The following AIMP1 variants were observed in gnomAD, a reference collection of about 807,000 sequenced individuals.
AIMP1 encodes the protein aminoacyl tRNA synthase complex-interacting multifunctional protein 1.
A neutral mutation model predicts 33.1 loss-of-function variants in AIMP1; 24 were observed. That is an observed-to-expected ratio of 0.73 (90% CI 0.53 to 1.02). The LOEUF (loss-of-function observed/expected upper bound fraction) is 1.02. Ranked by LOEUF, AIMP1 falls within the 50% of genes least tolerant of loss-of-function variation. The pLI is 0.00. For synonymous variants in AIMP1, 120 were observed against 121.5 expected (o/e 0.99, Z 0.08); for missense variants, 367 against 364.8 (o/e 1.01, Z -0.05).
intron 6 of AIMP1, among the ~76,000 whole-genome samples, chr4:106,346,841 C>T (rs1346273812): frequency 6.6e-6 from 1 of 152,076 alleles, no homozygotes; most frequent in African/African-American, 2.4e-5. Flanking sequence ...TCCATTCATG[C>T]ACTGCTGTAA....
At position 106,348,494 on chromosome 4, in the gene AIMP1, T is replaced by C. The variant is rs1770385409; in HGVS notation, c.*802T>C. 1 of 152,080 alleles carries C rather than the reference T, an allele frequency of 6.6e-6. No homozygotes were observed. Among genetic ancestry groups the C allele is most frequent in the Admixed American group, 6.6e-5 (1 of 15,242 alleles). The allele number at this position is 152,080 out of a possible 1,614,324, so 9.4% of individuals were successfully genotyped here. On this transcript the variant is annotated 3_prime_UTR_variant, in exon 7 of 7. Coordinates refer to ENST00000672341, the MANE Select transcript of AIMP1 (RefSeq NM_001142416.2). ...TAATAAAGGATAATTTATATCTTATTACAGACTGATATTTTGCTTTTTCAT... is the reference window on the plus strand; with the variant it reads ...TAATAAAGGATAATTTATATCTTATCACAGACTGATATTTTGCTTTTTCAT...
chr4:106,320,965 C>T (rs1769198884), intron 1 of AIMP1, among the ~76,000 whole-genome samples: 2 of 152,182 alleles, frequency 1.3e-5, no homozygotes, highest in South Asian at 4.1e-4. Context: ...CCGGGCTGGT[C>T]TCCAGCTCCT....
intron 4 of AIMP1, among the ~76,000 whole-genome samples, chr4:106,330,121 C>T (rs74285705): frequency 0.14 from 20,591 of 151,998 alleles, 1,645 homozygotes; most frequent in South Asian, 0.24. Flanking sequence ...ACTCATTTGT[C>T]AGTGAAGGAT....
chr4:106,347,460 A>G (rs1770345845), intron 6 of AIMP1, 66 bp from the exon 7 acceptor site: 1 of 1,444,204 alleles, frequency 6.9e-7, no homozygotes, highest in Middle Eastern at 2.2e-4. Flanking sequence ...ATCTCTGTGA[A>G]TAGTCTCTTT....
At chr4:106,324,344 A>T (rs56894273) in intron 1 of AIMP1, among the ~76,000 whole-genome samples, 2,762 of 152,070 alleles carry the variant, frequency 0.018, 78 homozygotes, top group African/African-American at 0.061. Flanking sequence ...AATTAATCTC[A>T]GAATGTTTGC....
At chr4:106,328,795 C>T (rs1190931777) in intron 4 of AIMP1, among the ~76,000 whole-genome samples, 2 of 152,184 alleles carry the variant, frequency 1.3e-5, no homozygotes, top group Admixed American at 1.3e-4. Context: ...TCTATTATTC[C>T]TGTCCCCAAA....
At chr4:106,318,092 C>A (rs936427702) in intron 1 of AIMP1, among the ~76,000 whole-genome samples, 10 of 152,132 alleles carry the variant, frequency 6.6e-5, no homozygotes, top group Admixed American at 2.0e-4. Context: ...CCCTCCAGGA[C>A]CCCCTATGTC....
At chr4:106,327,086 CAT>C (rs1359120133) in intron 2 of AIMP1, among the ~76,000 whole-genome samples, 1 of 152,178 alleles carries the variant, frequency 6.6e-6, no homozygotes, top group Non-Finnish European at 1.5e-5. Context: ...CACCTGGCCA[CAT>C]ATTGACACTT....
rs777680841 is a variant in AIMP1 at position 106,331,753 on chromosome 4, G to T, written c.473G>T (p.Arg158Leu). The change falls in exon 5 of 7, where the codon CGA becomes CTA. Residue 158 changes from arginine to leucine, a missense_variant. By Grantham distance (102) the Arg-to-Leu change is moderately radical. Coordinates refer to ENST00000672341, the MANE Select transcript of AIMP1 (RefSeq NM_001142416.2). ...ATAGATGTTTCCCGTCTGGATCTTC[G>T]AATTGGTTGCATCATAACTGCTAGA... is the stretch of plus-strand genomic sequence containing the variant. ...KPIDVSRLDL[R>L]IGCIITARKH... The T allele has an allele frequency of 6.2e-7, 1 of 1,614,052 alleles. No homozygotes were observed. The highest frequency in any genetic ancestry group is 1.7e-5 in the Admixed American group (1 of 60,006).
intron 6 of AIMP1, among the ~76,000 whole-genome samples, chr4:106,341,232 C>T (rs1770088473): frequency 6.6e-6 from 1 of 152,112 alleles, no homozygotes; most frequent in Admixed American, 6.6e-5. Flanking sequence ...GTTTATTTTG[C>T]AGTGCAGAAG....
At chr4:106,336,067 G>A (rs1220414999) in intron 5 of AIMP1, among the ~76,000 whole-genome samples, 12 of 126,536 alleles carry the variant, frequency 9.5e-5, no homozygotes, top group Non-Finnish European at 1.9e-4. Flanking sequence ...TTTGAGACAG[G>A]GTCTCACTCT....
chr4:106,322,983 CAAA>C (rs201904801), intron 1 of AIMP1, among the ~76,000 whole-genome samples: 5 of 95,828 alleles, frequency 5.2e-5, no homozygotes, highest in Non-Finnish European at 2.2e-5. Context: ...GACTCTGTCT[CAAA>C]AAAAAAAAAA....
In AIMP1 at chr4:106,348,537, G is replaced by A. The variant is rs1276311505; in HGVS notation, c.*845G>A. The A allele has an allele frequency of 6.6e-6, 1 of 151,518 alleles. No individual in the cohort carries two copies. The highest frequency in any genetic ancestry group is 1.9e-4 in the East Asian group (1 of 5,154). The allele number at this position is 151,518 out of a possible 1,614,324, so 9.4% of individuals were successfully genotyped here. On this transcript the variant is annotated 3_prime_UTR_variant, in exon 7 of 7. Transcript: ENST00000672341. ...TTTTTCATGTGTCATCATACTGTCA[G>A]TATATTAAAAGAAATTACAGCCTAA...
chr4:106,334,594 C>T (rs182246969), intron 5 of AIMP1, among the ~76,000 whole-genome samples: 2 of 152,168 alleles, frequency 1.3e-5, no homozygotes, highest in Admixed American at 6.5e-5. Flanking sequence ...ATAGCCCTGC[C>T]TTTATGAAGC....
At chr4:106,338,811 A>T (rs1431314894) in intron 6 of AIMP1, among the ~76,000 whole-genome samples, 1 of 152,208 alleles carries the variant, frequency 6.6e-6, no homozygotes, top group Non-Finnish European at 1.5e-5. Flanking sequence ...AGCTGCAGAC[A>T]TTCAACTCCA....
Position 106,325,040 on chromosome 4 carries a change from C to A in AIMP1, c.31C>A (p.Leu11Met). 6.2e-7 allele frequency: 1 copy of A among 1,612,472 alleles called. No homozygotes were observed. The highest frequency in any genetic ancestry group is 8.5e-7 in the Non-Finnish European group (1 of 1,179,054). The change falls in exon 2 of 7, where the codon CTG (leucine) becomes ATG (methionine). Residue 11 changes from leucine to methionine, a missense_variant. Transcript: ENST00000672341. Reference protein sequence around the residue: MANNDAVLKRLEQKGAEADQI... With the variant: MANNDAVLKRMEQKGAEADQI... ...AAATAATGATGCTGTTCTGAAGAGA[C>A]TGGAGCAGAAGGGTGCAGAGGCAGA...
rs1252799095 is a variant in AIMP1 at position 106,316,550 on chromosome 4, G to C, written c.-70G>C. The stretch of plus-strand genomic sequence containing the variant: ...AGTACGCGGGTGGCTGGACCTACAT[G>C]CTTCCTGCTGTGGCTGTCTCGGAAC... On this transcript the variant is annotated 5_prime_UTR_variant, in exon 1 of 7. Transcript: ENST00000672341. 2.6e-6 allele frequency: 4 copies of C among 1,551,636 alleles called. No individual in the cohort carries two copies. Among genetic ancestry groups the C allele is most frequent in the Non-Finnish European group, 2.6e-6 (3 of 1,146,972 alleles).
At chr4:106,332,254 G>C (rs938776183) in intron 5 of AIMP1, among the ~76,000 whole-genome samples, 2 of 151,620 alleles carry the variant, frequency 1.3e-5, no homozygotes, top group African/African-American at 4.8e-5. Flanking sequence ...ACAAATAAAG[G>C]AATACTATTA....
chr4:106,323,323 T>G (rs963623037), intron 1 of AIMP1, among the ~76,000 whole-genome samples: 4 of 152,170 alleles, frequency 2.6e-5, no homozygotes, highest in African/African-American at 9.7e-5. Context: ...AACATGAGTT[T>G]CTTTTTTTGA....
Sources: gnomAD v4.1 joint callset for allele counts (sites outside exome capture counted in the v4.1 genomes callset) on GRCh38, gnomAD v4.1.1 for gene constraint, MANE v1.5 for transcripts, NCBI Gene and HGNC (gene_info 2026-07-23, HGNC 2026-07-21) for gene names.